SNRPN: variants seen among roughly 807,000 people sequenced by gnomAD.
The protein encoded by SNRPN is small nuclear ribonucleoprotein polypeptide N, also known as small nuclear ribonucleoprotein-associated protein N.
In SNRPN, 7 loss-of-function variants were observed where a neutral mutation model predicts 25.2. That is an observed-to-expected ratio of 0.28 (90% CI 0.16 to 0.52). The LOEUF is 0.52. SNRPN is among the 20% of genes least tolerant of loss of function. SNRPN has a pLI of 0.96. For missense variants in SNRPN, 196 were observed against 322.5 expected (o/e 0.61, Z 3.00); for synonymous variants, 124 against 110.6 (o/e 1.12, Z -0.76).
At chr15:24,869,077 C>T (rs1033625784) in intron 1 of SNRPN, among the ~76,000 whole-genome samples, 6 of 151,892 alleles carry the variant, frequency 4.0e-5, no homozygotes, top group Non-Finnish European at 5.9e-5. Flanking sequence ...CCCGGGAGGT[C>T]GAGGCTAAAG....
intron 3 of SNRPN, among the ~76,000 whole-genome samples, chr15:24,946,332 A>G (rs2061881510): frequency 6.6e-6 from 1 of 152,142 alleles, no homozygotes; most frequent in Admixed American, 6.5e-5. Context: ...GCTTCAGCCT[A>G]GGAGGTCGAG....
chr15:24,892,581 A>G (rs1163658601), intron 2 of SNRPN, among the ~76,000 whole-genome samples: 2 of 152,214 alleles, frequency 1.3e-5, no homozygotes, highest in African/African-American at 4.8e-5. Context: ...TACTAAAAAT[A>G]CAAAAATTAG....
intron 4 of SNRPN, chr15:24,974,725 G>T: frequency 1.6e-6 from 1 of 607,138 alleles, no homozygotes; most frequent in African/African-American, 1.9e-5. Flanking sequence ...AGATTCTCGT[G>T]CCTCAGCCTC....
intron 2 of SNRPN, among the ~76,000 whole-genome samples, chr15:24,894,720 C>T (rs1348863577): frequency 2.0e-5 from 3 of 152,106 alleles, no homozygotes; most frequent in African/African-American, 7.2e-5. Flanking sequence ...TTCTCTTGAC[C>T]AGGAACTACT....
chr15:24,843,770 G>A lies in SNRPN; in HGVS notation c.-579+13865G>A, dbSNP rs113164530. On this transcript the variant is annotated intron_variant, in intron 2 of 12. Coordinates refer to the SNRPN transcript ENST00000400100. ...CCACTGCACTCCAGCCTGGATGACA[G>A]AGTGAGACTCCATCACAAACACACA... Among the ~76,000 whole-genome samples the A allele has an allele frequency of 2.2e-3, 296 of 133,632 alleles. 1 individual carries two copies. The highest frequency in any genetic ancestry group is 7.1e-3 in the African/African-American group (261 of 36,604). 87.7% of individuals were successfully genotyped at this position (133,632 alleles called of 152,430 possible). A position where few individuals can be genotyped will look rare whatever the true frequency, so the allele number is the denominator to read the frequency against.
chr15:24,863,605 A>G (rs1051611112), intron 1 of SNRPN, among the ~76,000 whole-genome samples: 1 of 150,916 alleles, frequency 6.6e-6, no homozygotes, highest in African/African-American at 2.5e-5. Context: ...AAAATTGACC[A>G]AAATTCCTTA....
Position 24,877,661 on chromosome 15 carries a change from A to AACACACACACAC in SNRPN, c.-578-8831_-578-8820dup, listed in dbSNP as rs72120147. 2.2e-3 allele frequency among the ~76,000 whole-genome samples: 324 copies of AACACACACACAC among 144,750 alleles called. 3 individuals are homozygous for AACACACACACAC. The highest frequency in any genetic ancestry group is 8.0e-3 in the African/African-American group (312 of 39,070). 95.0% of individuals were successfully genotyped at this position (144,750 alleles called of 152,430 possible). ...CCAATATGGTGAAACATCTCTACAA[A>AACACACACACAC]ACACACACACACACACACACACACA... On this transcript the variant is annotated intron_variant, in intron 1 of 11. Coordinates refer to the SNRPN transcript ENST00000400097.
rs540776442 is a variant in SNRPN, at chr15:24,873,330, CT to C, written c.-578-13172del. ...CAAGACTCTTCTTTTGTTTTTGTTT[CT>C]TTTTTTTTTTTTTGAAACGGAGTAT... is the stretch of plus-strand genomic sequence containing the variant. On this transcript the variant is annotated intron_variant, in intron 1 of 11. Coordinates refer to the SNRPN transcript ENST00000400097. 1.8e-3 allele frequency among the ~76,000 whole-genome samples: 191 copies of C among 105,732 alleles called. 3 individuals are homozygous for C. Among genetic ancestry groups the C allele is most frequent in the Admixed American group, 2.0e-3 (19 of 9,366 alleles). The allele number at this position is 105,732 out of a possible 152,430, so 69.4% of individuals were successfully genotyped here.
chr15:24,954,980 G>A (rs2062595268), upstream of SNRPN: 1 of 1,606,258 alleles, frequency 6.2e-7, no homozygotes, highest in Non-Finnish European at 8.5e-7. Context: ...GCTGCAGCGA[G>A]TCTGGCGCAG....
At chr15:24,977,209 G>A (rs1163320115) in intron 7 of SNRPN, among the ~76,000 whole-genome samples, 180 bp downstream of exon 7, 1 of 152,160 alleles carries the variant, frequency 6.6e-6, no homozygotes, top group Non-Finnish European at 1.5e-5. Flanking sequence ...ATGGTCATTG[G>A]GTGATTAAAG....
chr15:24,978,072 A>G, intron 8 of SNRPN, 121 bp from the exon 9 acceptor site: 2 of 1,221,532 alleles, frequency 1.6e-6, no homozygotes, highest in South Asian at 2.8e-5. Flanking sequence ...TAATTGTCAT[A>G]TAGAAGTTAT....
chr15:24,850,032 G>A (rs888648424), intron 2 of SNRPN: 2 of 152,122 alleles, frequency 1.3e-5, no homozygotes, highest in Non-Finnish European at 2.9e-5. Flanking sequence ...ACCCTCTGTG[G>A]CATGAACAGA....
chr15:24,860,424 T>G (rs1477159580), intron 1 of SNRPN, among the ~76,000 whole-genome samples: 1 of 152,178 alleles, frequency 6.6e-6, no homozygotes, highest in African/African-American at 2.4e-5. Flanking sequence ...AGATAAGACT[T>G]ACTAGTTTCT....
intron 1 of SNRPN, among the ~76,000 whole-genome samples, chr15:24,829,066 A>G (rs1415151489): frequency 6.6e-6 from 1 of 152,148 alleles, no homozygotes; most frequent in East Asian, 1.9e-4. Flanking sequence ...AGAAAAGAAT[A>G]TAGGTGAGGA....
At chr15:24,947,798 A>G (rs2061973019) in intron 3 of SNRPN, among the ~76,000 whole-genome samples, 1 of 152,180 alleles carries the variant, frequency 6.6e-6, no homozygotes. Flanking sequence ...CTTGTCTGAA[A>G]CTAAGGAAAA....
At chr15:24,865,355 A>G (rs1203833259) in intron 1 of SNRPN, among the ~76,000 whole-genome samples, 1 of 152,084 alleles carries the variant, frequency 6.6e-6, no homozygotes, top group Non-Finnish European at 1.5e-5. Context: ...CTGAGACTTA[A>G]CATTTAAATG....
intron 1 of SNRPN, among the ~76,000 whole-genome samples, chr15:24,863,936 C>A (rs1044209024): frequency 5.3e-5 from 8 of 150,542 alleles, no homozygotes; most frequent in Non-Finnish European, 1.0e-4. Context: ...GTTTGCTCTA[C>A]TTTTAAGTTT....
intron 1 of SNRPN, among the ~76,000 whole-genome samples, chr15:24,866,149 T>A (rs2054549739): frequency 6.6e-6 from 1 of 152,162 alleles, no homozygotes; most frequent in Non-Finnish European, 1.5e-5. Flanking sequence ...TATAGTCAGC[T>A]TTTTCTGAAA....
intron 2 of SNRPN, among the ~76,000 whole-genome samples, chr15:24,962,914 A>G (rs1446975790): frequency 6.6e-6 from 1 of 151,924 alleles, no homozygotes; most frequent in African/African-American, 2.4e-5. Context: ...TGTTTTTTTT[A>G]ATTATAAGTA....
Sources: gnomAD v4.1 joint callset for allele counts (sites outside exome capture counted in the v4.1 genomes callset) on GRCh38, gnomAD v4.1.1 for gene constraint, MANE v1.5 for transcripts, NCBI Gene and HGNC (gene_info 2026-07-23, HGNC 2026-07-21) for gene names.